The following L3MBTL4 variants were observed in gnomAD, a reference collection of about 807,000 sequenced individuals.
The protein encoded by L3MBTL4 is lethal(3)malignant brain tumor-like protein 4.
L3MBTL4 carries 70 observed loss-of-function variants against 84.5 expected under a neutral mutation model. That is an observed-to-expected ratio of 0.83 (90% CI 0.68 to 1.01). L3MBTL4 has a LOEUF of 1.01. Ranked by LOEUF, L3MBTL4 falls within the 50% of genes least tolerant of loss-of-function variation. The pLI is 0.00. For missense variants in L3MBTL4, 715 were observed against 754.8 expected (o/e 0.95, Z 0.62); for synonymous variants, 274 against 259.8 (o/e 1.05, Z -0.52).
chr18:6,020,943 C>T (rs1035572225), intron 16 of L3MBTL4, among the ~76,000 whole-genome samples: 4 of 152,028 alleles, frequency 2.6e-5, no homozygotes, highest in Non-Finnish European at 4.4e-5. Flanking sequence ...TACTCAGAGA[C>T]TGGGAGAGAA....
At chr18:6,286,235 G>T (rs183564690) in intron 4 of L3MBTL4, among the ~76,000 whole-genome samples, 14 of 152,092 alleles carry the variant, frequency 9.2e-5, no homozygotes, top group Admixed American at 9.2e-4. Context: ...AGGCCAAGGA[G>T]GGCAGATGAC....
intron 16 of L3MBTL4, among the ~76,000 whole-genome samples, chr18:6,043,400 C>T (rs2056486227): frequency 6.6e-6 from 1 of 152,198 alleles, no homozygotes; most frequent in Non-Finnish European, 1.5e-5. Flanking sequence ...CTACTGTTCA[C>T]CTTGACAGGC....
chr18:6,401,589 A>AG (rs906207351), intron 1 of L3MBTL4, among the ~76,000 whole-genome samples: 89 of 152,360 alleles, frequency 5.8e-4, no homozygotes, highest in African/African-American at 2.0e-3. Flanking sequence ...CATGAGGATT[A>AG]GTGTATTACA....
At chr18:6,335,033 T>C (rs1238160422) in intron 1 of L3MBTL4, among the ~76,000 whole-genome samples, 3 of 152,224 alleles carry the variant, frequency 2.0e-5, no homozygotes, top group Admixed American at 2.0e-4. Context: ...TCTCCAAAGC[T>C]TGTCTTTCTA....
intron 18 of L3MBTL4, among the ~76,000 whole-genome samples, chr18:5,959,658 G>C (rs2095252367): frequency 6.6e-6 from 1 of 152,122 alleles, no homozygotes; most frequent in South Asian, 2.1e-4. Context: ...ATCTTTCCCA[G>C]GTGCAATCCC....
At chr18:5,994,838 A>T (rs1447043720) in intron 16 of L3MBTL4, among the ~76,000 whole-genome samples, 1 of 152,210 alleles carries the variant, frequency 6.6e-6, no homozygotes, top group African/African-American at 2.4e-5. Context: ...TACCCTTGAA[A>T]TTGTAAATTT....
intron 16 of L3MBTL4, among the ~76,000 whole-genome samples, chr18:5,981,297 A>C (rs537794588): frequency 3.3e-5 from 5 of 152,344 alleles, no homozygotes; most frequent in South Asian, 4.1e-4. Flanking sequence ...TATTTCACAG[A>C]CTTCAGTCTT....
At chr18:6,008,640 C>T (rs1177003776) in intron 16 of L3MBTL4, among the ~76,000 whole-genome samples, 3 of 152,170 alleles carry the variant, frequency 2.0e-5, no homozygotes, top group Non-Finnish European at 2.9e-5. Context: ...AACCTAAATG[C>T]CTCCTGAAGG....
Position 6,138,249 on chromosome 18 carries a change from G to A in L3MBTL4, c.1144C>T (p.Pro382Ser). 4 of 1,613,502 alleles carry A rather than the reference G, an allele frequency of 2.5e-6. No homozygotes were observed. Among genetic ancestry groups the A allele is most frequent in the South Asian group, 1.1e-5 (1 of 90,880 alleles). The change falls in exon 14 of 19, where the codon CCC becomes TCC. Residue 382 changes from proline to serine, a missense_variant. Pro to Ser is a moderately conservative substitution (Grantham distance 74, BLOSUM62 -1). Coordinates refer to ENST00000317931, the MANE Select transcript of L3MBTL4 (RefSeq NM_001330559.2). ...ILPGQAVCPT[P>S]GCRGIGHIRG... ...ATATGGCCTATTCCTCGGCACCCGG[G>A]AGTAGGACAGACAGCTTGACCTGGA...
At chr18:6,093,946 C>T (rs991015993) in intron 14 of L3MBTL4, among the ~76,000 whole-genome samples, 15 of 152,162 alleles carry the variant, frequency 9.9e-5, no homozygotes, top group East Asian at 7.7e-4. Context: ...GAGAATATTG[C>T]GTTTTCATTT....
intron 1 of L3MBTL4, among the ~76,000 whole-genome samples, chr18:6,401,195 G>A (rs756290723): frequency 9.9e-5 from 15 of 152,152 alleles, no homozygotes; most frequent in Non-Finnish European, 1.8e-4. Context: ...GGGCAATAAT[G>A]ACTATTAAAT....
intron 4 of L3MBTL4, 152 bp from the exon 5 acceptor site, chr18:6,264,190 T>C (rs1599396160): frequency 1.6e-6 from 1 of 620,072 alleles, no homozygotes; most frequent in Non-Finnish European, 2.8e-6. Flanking sequence ...TCTCAATTCA[T>C]ATGAACATTT....
At chr18:6,068,645 T>G (rs141645982) in intron 16 of L3MBTL4, among the ~76,000 whole-genome samples, 6 of 152,034 alleles carry the variant, frequency 3.9e-5, no homozygotes, top group African/African-American at 1.4e-4. Flanking sequence ...TGGAAGGCCA[T>G]CTATATGTGC....
intron 16 of L3MBTL4, among the ~76,000 whole-genome samples, chr18:5,992,194 A>T (rs530130274): frequency 3.9e-5 from 6 of 152,298 alleles, no homozygotes; most frequent in African/African-American, 1.4e-4. Context: ...TCAGGCTGAC[A>T]ATAGGGCATG....
At chr18:6,334,132 T>C (rs1028737735) in intron 1 of L3MBTL4, among the ~76,000 whole-genome samples, 3 of 152,242 alleles carry the variant, frequency 2.0e-5, no homozygotes, top group Admixed American at 2.0e-4. Context: ...CAGGTTTGGC[T>C]GTGTCTCTTG....
chr18:6,119,576 A>T (rs930606862), intron 14 of L3MBTL4, among the ~76,000 whole-genome samples: 1 of 152,134 alleles, frequency 6.6e-6, no homozygotes, highest in African/African-American at 2.4e-5. Flanking sequence ...CAAAATAGGG[A>T]TATCTGCTAT....
chr18:6,080,100 A>G (rs10502343), intron 16 of L3MBTL4: 4,117 of 152,484 alleles, frequency 0.027, 173 homozygotes, highest in African/African-American at 0.095. Flanking sequence ...GAAAAGTCCA[A>G]TGGGTAACGA....
intron 16 of L3MBTL4, among the ~76,000 whole-genome samples, chr18:6,054,207 G>A (rs555007656): frequency 2.0e-5 from 3 of 152,214 alleles, no homozygotes; most frequent in South Asian, 2.1e-4. Flanking sequence ...AGCCTGCATC[G>A]TCACAATTTT....
At chr18:6,038,421 C>G (rs1322241063) in intron 16 of L3MBTL4, among the ~76,000 whole-genome samples, 1 of 151,876 alleles carries the variant, frequency 6.6e-6, no homozygotes, top group Non-Finnish European at 1.5e-5. Context: ...GACCGGTTAA[C>G]TTTTTTGTAT....
Sources: gnomAD v4.1 joint callset for allele counts (sites outside exome capture counted in the v4.1 genomes callset) on GRCh38, gnomAD v4.1.1 for gene constraint, MANE v1.5 for transcripts, NCBI Gene and HGNC (gene_info 2026-07-23, HGNC 2026-07-21) for gene names.